The following KYAT3 variants were observed in gnomAD, a reference collection of about 807,000 sequenced individuals.
KYAT3 encodes kynurenine--oxoglutarate transaminase 3.
Under a neutral mutation model 59.0 loss-of-function variants are expected in KYAT3, and 50 were observed. The observed-to-expected ratio is 0.85, with a 90% CI of 0.68 to 1.07. The LOEUF (loss-of-function observed/expected upper bound fraction) is 1.07. Among genes scored for constraint, KYAT3 ranks in the 50% least tolerant of loss-of-function variants. The probability of loss-of-function intolerance (pLI) is 0.00; values close to 1 mark genes in which losing one functional copy is unlikely to be tolerated. For missense variants in KYAT3, 497 were observed against 533.3 expected (o/e 0.93, Z 0.67); for synonymous variants, 148 against 177.0 (o/e 0.84, Z 1.30).
At chr1:88,968,333 A>C (rs1676420477) in intron 4 of KYAT3, among the ~76,000 whole-genome samples, 1 of 152,190 alleles carries the variant, frequency 6.6e-6, no homozygotes, top group Non-Finnish European at 1.5e-5. Context: ...GGATATATTA[A>C]ATAAAGGGTC....
downstream of KYAT3, among the ~76,000 whole-genome samples, chr1:88,930,995 C>T (rs1478811058): frequency 6.6e-6 from 1 of 152,110 alleles, no homozygotes. Flanking sequence ...AACCAAGCCC[C>T]GGTACTCAGA....
intron 2 of KYAT3, among the ~76,000 whole-genome samples, chr1:88,974,082 C>A (rs1257565342): frequency 6.6e-6 from 1 of 152,018 alleles, no homozygotes; most frequent in Admixed American, 6.6e-5. Context: ...ATAGGAAATG[C>A]AAAGCTCATG....
intron 2 of KYAT3, among the ~76,000 whole-genome samples, chr1:88,972,303 TCTC>T (rs1676584240): frequency 6.6e-6 from 1 of 152,224 alleles, no homozygotes; most frequent in African/African-American, 2.4e-5. Flanking sequence ...TAAACGTTAA[TCTC>T]ATCTAAAATA....
chr1:88,992,378 G>A (rs920008944), intron 1 of KYAT3, among the ~76,000 whole-genome samples: 3 of 152,212 alleles, frequency 2.0e-5, no homozygotes, highest in African/African-American at 4.8e-5. Flanking sequence ...CGGGTCTAGG[G>A]GATTCCCCCC....
chr1:88,975,556 CTAAT>C (rs1363342307), intron 2 of KYAT3, among the ~76,000 whole-genome samples: 3 of 152,258 alleles, frequency 2.0e-5, no homozygotes, highest in Non-Finnish European at 2.9e-5. Flanking sequence ...TGTAACAAAA[CTAAT>C]TATCACAAGA....
chr1:88,978,244 T>C (rs996424944), intron 2 of KYAT3, among the ~76,000 whole-genome samples: 3 of 152,206 alleles, frequency 2.0e-5, no homozygotes, highest in Non-Finnish European at 2.9e-5. Context: ...GAAACTGTTA[T>C]GTTCTTTCCT....
At chr1:88,965,196 A>T (rs1026762073) in intron 4 of KYAT3, among the ~76,000 whole-genome samples, 9 of 152,220 alleles carry the variant, frequency 5.9e-5, no homozygotes, top group African/African-American at 1.7e-4. Context: ...CTAATGATTA[A>T]AACTTCTTAC....
At position 88,962,213 on chromosome 1, in the gene KYAT3, A is replaced by G. The variant is rs1369096041; in HGVS notation, c.454-68T>C. 1.8e-5 allele frequency: 21 copies of G among 1,155,208 alleles called. No homozygotes were observed. In the East Asian group the frequency reaches 5.0e-4, roughly 28 times the overall value. The allele number at this position is 1,155,208 out of a possible 1,614,324, so 71.6% of individuals were successfully genotyped here. A position where few individuals can be genotyped will look rare whatever the true frequency, so the allele number is the denominator to read the frequency against. ...TTCATGTTAATAATACTGTGTACCTACTATGGGCTAGGCACTGTACTATGT... is the reference window on the plus strand; with the variant it reads ...TTCATGTTAATAATACTGTGTACCTGCTATGGGCTAGGCACTGTACTATGT... On this transcript the variant is annotated intron_variant, in intron 5 of 13. Transcript: ENST00000260508.
chr1:88,953,039 ACC>A (rs748901741), intron 10 of KYAT3, 22 bp downstream of exon 10: 1 of 1,398,400 alleles, frequency 7.2e-7, no homozygotes, highest in African/African-American at 1.4e-5. Context: ...CAATGCTTCT[ACC>A]CTGAGTTACT....
intron 2 of KYAT3, among the ~76,000 whole-genome samples, chr1:88,987,739 T>A (rs560164881): frequency 6.6e-6 from 1 of 152,230 alleles, no homozygotes; most frequent in Non-Finnish European, 1.5e-5. Flanking sequence ...AAAATATTGC[T>A]ACTTATATAA....
chr1:88,968,862 G>A (rs778094012), intron 3 of KYAT3, 48 bp from the exon 4 acceptor site: 1 of 1,425,882 alleles, frequency 7.0e-7, no homozygotes, highest in Non-Finnish European at 9.5e-7. Context: ...CAATTATAAA[G>A]TTCGCTTTTT....
intron 5 of KYAT3, among the ~76,000 whole-genome samples, chr1:88,962,505 A>C (rs575369966): frequency 7.2e-5 from 11 of 152,352 alleles, no homozygotes; most frequent in African/African-American, 2.6e-4. Context: ...TTCATATTTC[A>C]AATCAGAAAA....
chr1:88,935,109 T>C (rs896827083), downstream of KYAT3, among the ~76,000 whole-genome samples: 3 of 149,132 alleles, frequency 2.0e-5, no homozygotes, highest in Admixed American at 2.0e-4. Flanking sequence ...TTCTCCTGCC[T>C]CAGCCTCCCA....
intron 2 of KYAT3, chr1:88,982,787 C>T: frequency 6.2e-7 from 1 of 1,613,940 alleles, no homozygotes; most frequent in Non-Finnish European, 8.5e-7. Flanking sequence ...AGGGGGAAGC[C>T]CTCTTTCTTG....
intron 2 of KYAT3, chr1:88,982,438 T>G: frequency 1.0e-6 from 1 of 988,954 alleles, no homozygotes; most frequent in Non-Finnish European, 1.4e-6. Flanking sequence ...AACATTTGCT[T>G]GTTGAAAAGC....
intron 4 of KYAT3, among the ~76,000 whole-genome samples, chr1:88,968,032 T>C (rs1676409617): frequency 6.6e-6 from 1 of 152,134 alleles, no homozygotes; most frequent in South Asian, 2.1e-4. Context: ...TTCACTGCTT[T>C]TCCCTGTGCT....
chr1:88,971,979 C>T (rs1446791132), intron 2 of KYAT3, among the ~76,000 whole-genome samples: 2 of 152,218 alleles, frequency 1.3e-5, no homozygotes, highest in Non-Finnish European at 2.9e-5. Flanking sequence ...TCAGTTTCTA[C>T]AGCATATTTC....
intron 2 of KYAT3, among the ~76,000 whole-genome samples, chr1:88,976,273 C>T (rs532184201): frequency 6.6e-6 from 1 of 150,548 alleles, no homozygotes; most frequent in Admixed American, 6.6e-5. Flanking sequence ...AGGAGAATTG[C>T]TTGCACCCGG....
At chr1:88,967,626 T>C (rs1676395136) in intron 4 of KYAT3, among the ~76,000 whole-genome samples, 1 of 152,068 alleles carries the variant, frequency 6.6e-6, no homozygotes, top group Non-Finnish European at 1.5e-5. Flanking sequence ...GTTTTGGTAA[T>C]TTGTATCTTT....
Sources: allele counts gnomAD v4.1 joint callset (sites outside exome capture counted in the v4.1 genomes callset), GRCh38; gene constraint gnomAD v4.1.1; transcripts MANE v1.5; gene names NCBI Gene and HGNC (gene_info 2026-07-23, HGNC 2026-07-21).